TMEM260: variants seen among roughly 807,000 people sequenced by gnomAD.
The protein encoded by TMEM260 is transmembrane protein 260.
A neutral mutation model predicts 88.9 loss-of-function variants in TMEM260; 82 were observed. The observed-to-expected ratio is 0.92, with a 90% confidence interval of 0.77 to 1.11. TMEM260 has a LOEUF of 1.11. TMEM260 is among the 50% of genes least tolerant of loss of function. The pLI is 0.00. For synonymous variants in TMEM260, 314 were observed against 309.3 expected (o/e 1.02, Z -0.16); for missense variants, 902 against 853.4 (o/e 1.06, Z -0.71).
At chr14:56,654,216 C>G (rs1199661397), downstream of TMEM260, among the ~76,000 whole-genome samples, 2 of 152,014 alleles carry the variant, frequency 1.3e-5, no homozygotes, top group East Asian at 3.9e-4. Flanking sequence ...TTCTGGACTT[C>G]GGAATATATA....
chr14:56,633,366 GGA>G, intron 13 of TMEM260, 195 bp downstream of exon 13: 1 of 452,552 alleles, frequency 2.2e-6, no homozygotes, highest in Non-Finnish European at 3.9e-6. Context: ...AGAACAATGG[GGA>G]GAGAGGAGGG....
chr14:56,611,910 C>G (rs375573266), intron 6 of TMEM260, among the ~76,000 whole-genome samples: 2 of 151,908 alleles, frequency 1.3e-5, no homozygotes, highest in Non-Finnish European at 2.9e-5. Flanking sequence ...GAGCAGAAAA[C>G]CAAATACCAC....
At chr14:56,631,137 TGAAAG>T (rs904668333) in intron 12 of TMEM260, among the ~76,000 whole-genome samples, 39 of 151,008 alleles carry the variant, frequency 2.6e-4, no homozygotes, top group African/African-American at 9.1e-4. Flanking sequence ...AAAGCAGAAA[TGAAAG>T]GAAGGAAACC....
At chr14:56,642,181 C>T (rs921705846) in intron 15 of TMEM260, among the ~76,000 whole-genome samples, 6 of 152,144 alleles carry the variant, frequency 3.9e-5, no homozygotes, top group African/African-American at 1.4e-4. Flanking sequence ...ACAGAACTCT[C>T]CACCCCAAAT....
In TMEM260 at chr14:56,625,546, A is replaced by G. The variant is rs1888199425; in HGVS notation, c.1547+16A>G. On this transcript the variant is annotated intron_variant, in intron 12 of 15. Transcript: ENST00000261556. The stretch of plus-strand genomic sequence containing the variant: ...TAAATAAACAGTAAGCATTCTTTTT[A>G]TATAATAGCTTTTCTAAAATCTTAA... 6.4e-7 allele frequency: 1 copy of G among 1,562,900 alleles called. No homozygotes were observed. The highest frequency in any genetic ancestry group is 8.7e-7 in the Non-Finnish European group (1 of 1,145,716).
intron 8 of TMEM260, 136 bp from the exon 9 acceptor site, chr14:56,617,047 T>A: frequency 2.0e-6 from 1 of 488,402 alleles, no homozygotes; most frequent in Non-Finnish European, 3.4e-6. Context: ...ACTCAGATTT[T>A]AAAAACCGAA....
At chr14:56,609,678 A>C (rs77597221) in intron 6 of TMEM260, among the ~76,000 whole-genome samples, 2,083 of 152,164 alleles carry the variant, frequency 0.014, 55 homozygotes, top group East Asian at 0.1. Flanking sequence ...ACCACTTCTT[A>C]TTATTATTTA....
chr14:56,631,117 T>TA (rs1295897151), intron 12 of TMEM260, among the ~76,000 whole-genome samples: 2 of 146,962 alleles, frequency 1.4e-5, no homozygotes, highest in Non-Finnish European at 3.0e-5. Flanking sequence ...AAAAGTTTAT[T>TA]AAAAGCTCTA....
chr14:56,640,444 TAGAAGGAAAACTAACAAAC>T (rs1254121706), intron 15 of TMEM260, among the ~76,000 whole-genome samples: 9 of 152,084 alleles, frequency 5.9e-5, no homozygotes, highest in African/African-American at 7.2e-5. Flanking sequence ...TCCTGACTGT[TAGAAGGAAAACTAACAAAC>T]AGAAAGGACA....
downstream of TMEM260, among the ~76,000 whole-genome samples, chr14:56,654,549 T>C (rs1890265668): frequency 6.6e-6 from 1 of 150,968 alleles, no homozygotes; most frequent in South Asian, 2.1e-4. Context: ...GCGGGTGCAG[T>C]GGCTCACACC....
rs570522479 is a variant in TMEM260 at position 56,585,778 on chromosome 14, C to T, written c.210C>T (p.Gly70=). 4 of 1,612,500 alleles carry T rather than the reference C, an allele frequency of 2.5e-6. No individual in the cohort carries two copies. Among genetic ancestry groups the T allele is most frequent in the Admixed American group, 1.7e-5 (1 of 59,696 alleles). The change falls in exon 3 of 16, where the codon GGC becomes GGT. Residue 70 remains glycine (G), a synonymous_variant. Transcript: ENST00000261556. ...TTCCGTAGGTTGCCCATCCTCCTGG[C>T]TATCCTTTGTTCACGCTGGTGGCTA... ...AHELGVAHPP[G]YPLFTLVAKL... is the part of the protein sequence containing the mutation.
chr14:56,637,237 T>G (rs993708296), intron 15 of TMEM260, among the ~76,000 whole-genome samples: 1 of 152,244 alleles, frequency 6.6e-6, no homozygotes, highest in Non-Finnish European at 1.5e-5. Context: ...ATATAATAGC[T>G]TCATTTAAAA....
At chr14:56,655,475 G>A (rs17091924), downstream of TMEM260, among the ~76,000 whole-genome samples, 1 of 151,908 alleles carries the variant, frequency 6.6e-6, no homozygotes, top group Non-Finnish European at 1.5e-5. Flanking sequence ...CCCTTCTGAT[G>A]TGACCACATA....
rs577798093 is a variant in TMEM260, at chr14:56,621,937, A to G, written c.1398+235A>G. On this transcript the variant is annotated intron_variant, in intron 11 of 15. Transcript: ENST00000261556. ...TTCTCATTTAAAAACATTTAAACTG[A>G]ACGTTTTAAGAATTAATGTGTTTCA... Among the ~76,000 whole-genome samples the G allele has an allele frequency of 4.6e-5, 7 of 152,242 alleles. No individual in the cohort carries two copies. The South Asian group carries it at 1.2e-3, about 27-fold the overall frequency.
At chr14:56,645,318 A>G (rs1889885421) in intron 15 of TMEM260, among the ~76,000 whole-genome samples, 3 of 152,040 alleles carry the variant, frequency 2.0e-5, no homozygotes, top group South Asian at 4.1e-4. Flanking sequence ...CAGCCATAAA[A>G]AATGATGAGT....
chr14:56,579,880 T>C lies in TMEM260; in HGVS notation c.-35T>C, dbSNP rs969019260. The C allele has an allele frequency of 5.7e-6, 7 of 1,231,704 alleles. No individual in the cohort carries two copies. Among genetic ancestry groups the C allele is most frequent in the Non-Finnish European group, 7.1e-6 (7 of 987,606 alleles). The allele number at this position is 1,231,704 out of a possible 1,614,324, so 76.3% of individuals were successfully genotyped here. On this transcript the variant is annotated 5_prime_UTR_variant, in exon 1 of 16. Transcript: ENST00000261556. ...TCCGTGTCGCACCGGGTTCTTGGGCTGGCCGTGTCCTTCTCCCTCGGTCGC... is the reference window on the plus strand; with the variant it reads ...TCCGTGTCGCACCGGGTTCTTGGGCCGGCCGTGTCCTTCTCCCTCGGTCGC...
intron 12 of TMEM260, among the ~76,000 whole-genome samples, chr14:56,629,424 T>C (rs1313970062): frequency 6.6e-6 from 1 of 152,078 alleles, no homozygotes; most frequent in Non-Finnish European, 1.5e-5. Flanking sequence ...TTACATATTA[T>C]GTCAGATAGG....
intron 4 of TMEM260, 93 bp from the exon 5 acceptor site, chr14:56,605,477 A>G (rs920636195): frequency 1.4e-5 from 8 of 553,872 alleles, no homozygotes; most frequent in Admixed American, 1.2e-4. Flanking sequence ...CATGATACGA[A>G]TGCTTGGTTT....
intron 3 of TMEM260, among the ~76,000 whole-genome samples, chr14:56,594,190 A>G (rs1047763127): frequency 2.6e-5 from 4 of 152,198 alleles, no homozygotes; most frequent in Non-Finnish European, 5.9e-5. Context: ...TTAGATTGAG[A>G]ATGGAAAACA....
Sources: allele counts gnomAD v4.1 joint callset (sites outside exome capture counted in the v4.1 genomes callset), GRCh38; gene constraint gnomAD v4.1.1; transcripts MANE v1.5; gene names NCBI Gene and HGNC (gene_info 2026-07-23, HGNC 2026-07-21).